Variants in NAA16 observed in about 807,000 individuals in gnomAD.
The protein encoded by NAA16 is N-alpha-acetyltransferase 16, NatA auxiliary subunit.
Under a neutral mutation model 110.3 loss-of-function variants are expected in NAA16, and 97 were observed. The observed-to-expected ratio is 0.88, with a 90% CI of 0.75 to 1.04. NAA16 has a LOEUF of 1.04. NAA16 is among the 50% of genes least tolerant of loss of function. NAA16 has a pLI of 0.00. For synonymous variants in NAA16, 372 were observed against 330.6 expected (o/e 1.13, Z -1.36); for missense variants, 1,017 against 1,005.1 (o/e 1.01, Z -0.16).
intron 4 of NAA16, among the ~76,000 whole-genome samples, chr13:41,322,188 C>A (rs2041963808): frequency 6.6e-6 from 1 of 152,020 alleles, no homozygotes; most frequent in Non-Finnish European, 1.5e-5. Context: ...TTTAGTCCAG[C>A]CTGGGCAACA....
chr13:41,325,792 A>G lies in NAA16; in HGVS notation c.632A>G (p.Glu211Gly). Reference sequence around the variant, plus strand: ...GCAGATCTGTTGCAGGAATCTTTGGAACATATAGAAATGTATGAGAAACAA... The same window carrying G: ...GCAGATCTGTTGCAGGAATCTTTGGGACATATAGAAATGTATGAGAAACAA... ...READLLQESL[E>G]HIEMYEKQIC... The change falls in exon 6 of 20, where the codon GAA (glutamate) becomes GGA (glycine). Residue 211 changes from glutamate to glycine, a missense_variant. Glu to Gly is a moderately conservative substitution (Grantham distance 98). Transcript: ENST00000379406. 1 of 1,609,980 alleles carries G rather than the reference A, an allele frequency of 6.2e-7. No individual in the cohort carries two copies. The highest frequency in any genetic ancestry group is 1.1e-5 in the South Asian group (1 of 90,504).
intron 18 of NAA16, 196 bp from the exon 19 acceptor site, chr13:41,374,546 G>T: frequency 2.2e-6 from 1 of 456,396 alleles, no homozygotes; most frequent in Non-Finnish European, 3.9e-6. Context: ...CTCTGATCAT[G>T]GCCTATCAAT....
At chr13:41,339,770 G>T (rs2042486068) in intron 9 of NAA16, among the ~76,000 whole-genome samples, 1 of 152,094 alleles carries the variant, frequency 6.6e-6, no homozygotes, top group African/African-American at 2.4e-5. Flanking sequence ...ATGTTGACCA[G>T]GGTGGTCTCA....
intron 3 of NAA16, among the ~76,000 whole-genome samples, chr13:41,319,792 C>G (rs1377685167): frequency 6.6e-6 from 1 of 151,932 alleles, no homozygotes; most frequent in African/African-American, 2.4e-5. Flanking sequence ...GCTGGGATTA[C>G]AGGTGTGAGC....
chr13:41,350,774 C>G (rs1388965500), intron 9 of NAA16, among the ~76,000 whole-genome samples: 1 of 151,954 alleles, frequency 6.6e-6, no homozygotes, highest in African/African-American at 2.4e-5. Flanking sequence ...GCACGGGCCA[C>G]TACACCCAGC....
rs1347907048 is a variant in NAA16 at position 41,358,328 on chromosome 13, C to T, written c.1112C>T (p.Thr371Ile). 9.3e-6 allele frequency: 15 copies of T among 1,613,756 alleles called. No individual in the cohort carries two copies. The highest frequency in any genetic ancestry group is 1.0e-5 in the Non-Finnish European group (12 of 1,179,768). ...GAGAATGGGGAGAAGGAACCCCCGA[C>T]AACACTACTCTGGGTTCAGTATTTC... ...PYENGEKEPP[T>I]TLLWVQYFLA... The change falls in exon 11 of 20, where the codon ACA becomes ATA. Residue 371 changes from threonine to isoleucine, a missense_variant. Thr to Ile is a moderately conservative substitution (Grantham distance 89). Coordinates refer to ENST00000379406, the MANE Select transcript of NAA16 (RefSeq NM_024561.5).
At chr13:41,366,925 T>C (rs912102146) in intron 13 of NAA16, among the ~76,000 whole-genome samples, 4 of 152,208 alleles carry the variant, frequency 2.6e-5, no homozygotes, top group Non-Finnish European at 5.9e-5. Flanking sequence ...AGTGGGCAAA[T>C]ACTGTGCTTA....
At chr13:41,332,493 A>G (rs2042266595) in intron 8 of NAA16, among the ~76,000 whole-genome samples, 1 of 152,338 alleles carries the variant, frequency 6.6e-6, no homozygotes, top group Non-Finnish European at 1.5e-5. Flanking sequence ...TTTGAGCTAC[A>G]TAGGACGTAG....
chr13:41,355,419 C>T (rs148219146), intron 10 of NAA16, among the ~76,000 whole-genome samples: 53 of 152,062 alleles, frequency 3.5e-4, no homozygotes, highest in African/African-American at 1.1e-3. Context: ...TAACCTTGTG[C>T]GGTTTTTTTG....
intron 9 of NAA16, among the ~76,000 whole-genome samples, chr13:41,349,010 T>C (rs2042757480): frequency 6.6e-6 from 1 of 152,136 alleles, no homozygotes; most frequent in South Asian, 2.1e-4. Flanking sequence ...TTTTGAGTGT[T>C]CTCTATTTTT....
At chr13:41,312,671 T>G (rs1034266276) in intron 1 of NAA16, among the ~76,000 whole-genome samples, 6 of 152,242 alleles carry the variant, frequency 3.9e-5, no homozygotes, top group Non-Finnish European at 8.8e-5. Context: ...AATAAAATAC[T>G]AATTTTAGAG....
chr13:41,311,432 C>G lies in NAA16; in HGVS notation c.-97C>G. On this transcript the variant is annotated 5_prime_UTR_variant, in exon 1 of 20. Transcript: ENST00000379406. The stretch of plus-strand genomic sequence containing the variant: ...AACTAATCCATCGCCCGCAGCCCGA[C>G]TCTCAGCAGCGGTTCGTCCCGGTGC... 8.3e-7 allele frequency: 1 copy of G among 1,199,754 alleles called. No homozygotes were observed. Among genetic ancestry groups the G allele is most frequent in the Non-Finnish European group, 1.2e-6 (1 of 836,632 alleles). The allele number at this position is 1,199,754 out of a possible 1,614,324, so 74.3% of individuals were successfully genotyped here. A position where few individuals can be genotyped will look rare whatever the true frequency, so the allele number is the denominator to read the frequency against.
intron 9 of NAA16, among the ~76,000 whole-genome samples, chr13:41,353,314 C>T (rs2042890803): frequency 1.3e-5 from 2 of 151,960 alleles, no homozygotes; most frequent in Non-Finnish European, 2.9e-5. Flanking sequence ...TTTTAAGTTA[C>T]AGATATTCTA....
In NAA16 at chr13:41,376,373, T is replaced by C. The variant is rs898958396; in HGVS notation, c.*771T>C. 3.3e-5 allele frequency: 5 copies of C among 152,250 alleles called. No homozygotes were observed. Among genetic ancestry groups the C allele is most frequent in the African/African-American group, 1.2e-4 (5 of 41,474 alleles). The allele number at this position is 152,250 out of a possible 1,614,324, so 9.4% of individuals were successfully genotyped here. On this transcript the variant is annotated 3_prime_UTR_variant, in exon 20 of 20. Coordinates refer to ENST00000379406, the MANE Select transcript of NAA16 (RefSeq NM_024561.5). ...TTTTTCATTGTAATATTTCATGGTT[T>C]ACTATTTCCTTTTAGTATTCATGAA...
chr13:41,314,805 G>A (rs2041764773), intron 1 of NAA16, among the ~76,000 whole-genome samples: 1 of 152,000 alleles, frequency 6.6e-6, no homozygotes. Flanking sequence ...GACCAACATA[G>A]TGAGACTTCA....
intron 14 of NAA16, 139 bp from the exon 15 acceptor site, chr13:41,368,951 T>G (rs1179406141): frequency 1.7e-6 from 1 of 587,060 alleles, no homozygotes; most frequent in Non-Finnish European, 2.9e-6. Flanking sequence ...TGAGTATCAG[T>G]GGACTTTGTG....
intron 1 of NAA16, among the ~76,000 whole-genome samples, chr13:41,313,148 A>G (rs2041690939): frequency 6.6e-6 from 1 of 152,174 alleles, no homozygotes; most frequent in African/African-American, 2.4e-5. Flanking sequence ...TCATAAGGAA[A>G]AAGTTACATT....
chr13:41,357,545 A>G (rs1235549503), intron 10 of NAA16, among the ~76,000 whole-genome samples: 1 of 152,152 alleles, frequency 6.6e-6, no homozygotes, highest in Admixed American at 6.5e-5. Context: ...TTTGCATGTC[A>G]TTTGATCAGC....
intron 7 of NAA16, among the ~76,000 whole-genome samples, chr13:41,331,014 A>G (rs1025730618): frequency 6.6e-6 from 1 of 152,104 alleles, no homozygotes; most frequent in African/African-American, 2.4e-5. Context: ...GATGGCTTGT[A>G]TATGTGATTT....
Sources: allele counts gnomAD v4.1 joint callset (sites outside exome capture counted in the v4.1 genomes callset), GRCh38; gene constraint gnomAD v4.1.1; transcripts MANE v1.5; gene names NCBI Gene and HGNC (gene_info 2026-07-23, HGNC 2026-07-21).